Variants in ESR2 observed in about 807,000 individuals in gnomAD.
The protein encoded by ESR2 is estrogen receptor 2.
ESR2 carries 36 observed loss-of-function variants against 49.6 expected under a neutral mutation model. The observed-to-expected ratio is 0.73, with a 90% CI of 0.56 to 0.96. ESR2 has a LOEUF of 0.96. Among genes scored for constraint, ESR2 ranks in the 40% least tolerant of loss-of-function variants. The pLI, the probability that ESR2 is intolerant of heterozygous loss-of-function variation, is 0.00. For synonymous variants in ESR2, 320 were observed against 266.1 expected (o/e 1.20, Z -1.97); for missense variants, 714 against 693.0 (o/e 1.03, Z -0.34).
Position 64,248,420 on chromosome 14 carries a change from G to T in ESR2, c.1225+1126C>A, listed in dbSNP as rs552599933. Among the ~76,000 whole-genome samples the T allele has an allele frequency of 1.1e-4, 16 of 145,340 alleles. No homozygotes were observed. The South Asian group carries it at 3.0e-3, about 28-fold the overall frequency. ...GCTACTTGTGAGGCCAAGGTGGGAGGATCACTTGAGCTCAGTACTAGGTTA... is the reference window on the plus strand; with the variant it reads ...GCTACTTGTGAGGCCAAGGTGGGAGTATCACTTGAGCTCAGTACTAGGTTA... On this transcript the variant is annotated intron_variant, in intron 7 of 8. Coordinates refer to ENST00000341099, the MANE Select transcript of ESR2 (RefSeq NM_001437.3).
chr14:64,252,242 C>G (rs1024671718), intron 6 of ESR2, among the ~76,000 whole-genome samples: 5 of 151,782 alleles, frequency 3.3e-5, no homozygotes, highest in Non-Finnish European at 5.9e-5. Context: ...AGGCCAGGAG[C>G]CCAAGGTTGC....
intron 1 of ESR2, among the ~76,000 whole-genome samples, chr14:64,284,496 A>AT: frequency 6.8e-6 from 1 of 147,934 alleles, no homozygotes; most frequent in Middle Eastern, 3.9e-3. Flanking sequence ...TAATTTTTGT[A>AT]TTTTTAGTAG....
intron 3 of ESR2, among the ~76,000 whole-genome samples, chr14:64,272,963 G>C (rs2076480022): frequency 6.6e-6 from 1 of 151,846 alleles, no homozygotes; most frequent in Non-Finnish European, 1.5e-5. Flanking sequence ...GGGTAGTATG[G>C]ACATATTAAT....
intron 2 of ESR2, 144 bp from the exon 3 acceptor site, chr14:64,280,297 T>C (rs1411253146): frequency 4.6e-6 from 3 of 650,230 alleles, no homozygotes; most frequent in Non-Finnish European, 8.0e-6. Flanking sequence ...GGAAATCTGA[T>C]ACAGCAAAGC....
At chr14:64,327,691 C>T (rs1032599021) in intron 1 of ESR2, among the ~76,000 whole-genome samples, 4 of 149,420 alleles carry the variant, frequency 2.7e-5, no homozygotes, top group Non-Finnish European at 6.0e-5. Context: ...CAAGACCCCA[C>T]CTCAAAAATA....
chr14:64,260,008 G>T (rs1488411840), intron 5 of ESR2, among the ~76,000 whole-genome samples: 1 of 152,070 alleles, frequency 6.6e-6, no homozygotes, highest in Non-Finnish European at 1.5e-5. Flanking sequence ...CCCAATTCCA[G>T]AGCCTAGGTA....
chr14:64,314,450 A>G (rs1000196446), intron 1 of ESR2, among the ~76,000 whole-genome samples: 1 of 151,770 alleles, frequency 6.6e-6, no homozygotes, highest in East Asian at 1.9e-4. Context: ...CCAAGAACCT[A>G]GGAAAATAAG....
chr14:64,293,359 T>G (rs1236013934), intron 1 of ESR2, among the ~76,000 whole-genome samples: 1 of 152,258 alleles, frequency 6.6e-6, no homozygotes, highest in Non-Finnish European at 1.5e-5. Context: ...CTCCAAAATG[T>G]TGCCTACCAC....
chr14:64,273,403 C>T (rs997702609), intron 3 of ESR2, among the ~76,000 whole-genome samples: 1 of 152,134 alleles, frequency 6.6e-6, no homozygotes, highest in Non-Finnish European at 1.5e-5. Context: ...AGAGGAAAGG[C>T]TTTCAGTTTT....
Position 64,289,405 on chromosome 14 carries a change from G to A in ESR2, c.-91+4628C>T, listed in dbSNP as rs111307080. Reference sequence around the variant, plus strand: ...CACATGCCTGTAATCCCAGCTACTCGGGAGGATGAGGCAGGACAATCGCTT... The same window carrying A: ...CACATGCCTGTAATCCCAGCTACTCAGGAGGATGAGGCAGGACAATCGCTT... On this transcript the variant is annotated intron_variant, in intron 1 of 8. Transcript: ENST00000341099. Among the ~76,000 whole-genome samples, 300 of 151,830 alleles carry A rather than the reference G, an allele frequency of 2.0e-3. 1 individual carries two copies. The highest frequency in any genetic ancestry group is 6.7e-3 in the African/African-American group (276 of 41,372).
intron 7 of ESR2, among the ~76,000 whole-genome samples, chr14:64,247,297 A>C (rs1399271366): frequency 6.6e-6 from 1 of 151,564 alleles, no homozygotes; most frequent in Non-Finnish European, 1.5e-5. Flanking sequence ...TATCCTTAAC[A>C]CTCCAGCCTG....
chr14:64,308,853 T>C (rs2077146621), intron 1 of ESR2, among the ~76,000 whole-genome samples: 4 of 152,040 alleles, frequency 2.6e-5, no homozygotes, highest in Admixed American at 2.6e-4. Flanking sequence ...GCATAGCTCA[T>C]TGTAACCTCA....
chr14:64,310,093 A>T (rs1301856573), intron 1 of ESR2, among the ~76,000 whole-genome samples: 7 of 150,992 alleles, frequency 4.6e-5, no homozygotes, highest in South Asian at 4.2e-4. Context: ...CTTAAAAAAA[A>T]GAAAGCTCGT....
chr14:64,271,405 AACCTCC>A (rs2076443244), intron 3 of ESR2, among the ~76,000 whole-genome samples: 1 of 152,174 alleles, frequency 6.6e-6, no homozygotes, highest in Non-Finnish European at 1.5e-5. Context: ...GACTCACTGC[AACCTCC>A]ACCTCCCGGG....
intron 2 of ESR2, 86 bp from the exon 3 acceptor site, chr14:64,280,239 C>T (rs2076638092): frequency 3.1e-6 from 3 of 955,140 alleles, no homozygotes; most frequent in African/African-American, 1.6e-5. Context: ...ATGAACATTG[C>T]CTAATTTAAT....
intron 3 of ESR2, among the ~76,000 whole-genome samples, chr14:64,275,797 C>T (rs559691257): frequency 1.0e-3 from 155 of 152,240 alleles, no homozygotes; most frequent in Middle Eastern, 3.4e-3. Flanking sequence ...CCACAATTAA[C>T]AGTGTTATAT....
chr14:64,334,638 A>G (rs933891782), intron 1 of ESR2, among the ~76,000 whole-genome samples: 1 of 152,254 alleles, frequency 6.6e-6, no homozygotes, highest in African/African-American at 2.4e-5. Context: ...AAACACTATC[A>G]AAGAAATTGT....
chr14:64,261,562 A>C (rs1256048), intron 4 of ESR2, among the ~76,000 whole-genome samples: 99,398 of 151,804 alleles, frequency 0.65, 34,128 homozygotes, highest in African/African-American at 0.88. Flanking sequence ...GGATTACAGG[A>C]GCCCGCCACC....
chr14:64,236,589 C>T (rs563996307), intron 7 of ESR2, among the ~76,000 whole-genome samples: 1 of 152,116 alleles, frequency 6.6e-6, no homozygotes. Flanking sequence ...CAGTTCCCAC[C>T]ACACCTCGCC....
Sources: allele counts gnomAD v4.1 joint callset (sites outside exome capture counted in the v4.1 genomes callset), GRCh38; gene constraint gnomAD v4.1.1; transcripts MANE v1.5; gene names NCBI Gene and HGNC (gene_info 2026-07-23, HGNC 2026-07-21).